Variants in STKLD1 observed in about 807,000 individuals in gnomAD.
STKLD1 encodes serine/threonine kinase like domain containing 1.
Under a neutral mutation model 80.4 loss-of-function variants are expected in STKLD1, and 79 were observed. The observed-to-expected ratio is 0.98, with a 90% confidence interval of 0.82 to 1.19. The LOEUF is 1.19. Among genes scored for constraint, STKLD1 ranks in the 50% most tolerant of loss-of-function variants. The probability of loss-of-function intolerance (pLI) is 0.00; values close to 1 mark genes in which losing one functional copy is unlikely to be tolerated. For missense variants in STKLD1, 841 were observed against 856.0 expected, an observed-to-expected ratio of 0.98 and a Z score of 0.22; for synonymous variants, 393 against 357.6, an observed-to-expected ratio of 1.10 and a Z score of -1.12.
At chr9:133,404,166 A>G in intron 16 of STKLD1, 118 bp downstream of exon 16, 2 of 1,298,838 alleles carry the variant, frequency 1.5e-6, no homozygotes, top group South Asian at 1.6e-5. Flanking sequence ...TCAAAAAGGA[A>G]AAGAAATTAA....
Position 133,397,936 on chromosome 9 carries a change from CAGAA to C in STKLD1, c.998-33_998-30del, listed in dbSNP as rs781944972. On this transcript the variant is annotated intron_variant, in intron 10 of 17. Transcript: ENST00000371957. Reference sequence around the variant, plus strand: ...AACAGAGCCCCGAGGCCCTGGTCCTCAGAAAGGTCCCTCCCCTGCCTTCCTGTCC... The same window carrying C: ...AACAGAGCCCCGAGGCCCTGGTCCTCAGGTCCCTCCCCTGCCTTCCTGTCC... The C allele has an allele frequency of 1.9e-6, 3 of 1,590,698 alleles. No homozygotes were observed. The African/African-American group carries it at 4.0e-5, about 21-fold the overall frequency.
At position 133,405,324 on chromosome 9, in the gene STKLD1, C is replaced by G. The variant is rs1554778519; in HGVS notation, c.1946C>G (p.Ser649Cys). ...CAGGAGATCAAGGAGCGCTTCACCTCCAGCCTGGTGAGTGACAGCAGCGCC... is the reference window on the plus strand; with the variant it reads ...CAGGAGATCAAGGAGCGCTTCACCTGCAGCCTGGTGAGTGACAGCAGCGCC... ...LLQEIKERFT[S>C]SLVSDSSAFS... is the part of the protein sequence containing the mutation. Residue 649 changes from serine to cysteine, a missense_variant, in exon 18 of 18, where the codon TCC (serine) becomes TGC (cysteine). Coordinates refer to ENST00000371957, the MANE Select transcript of STKLD1 (RefSeq NM_153710.5). 6 of 1,612,980 alleles carry G rather than the reference C, an allele frequency of 3.7e-6. No individual in the cohort carries two copies. Among genetic ancestry groups the G allele is most frequent in the Non-Finnish European group, 5.1e-6 (6 of 1,179,924 alleles).
At chr9:133,380,470 A>G (rs1838104412) in intron 2 of STKLD1, among the ~76,000 whole-genome samples, 1 of 152,020 alleles carries the variant, frequency 6.6e-6, no homozygotes, top group South Asian at 2.1e-4. Flanking sequence ...CCTGGCCAAC[A>G]TGGTGAAACC....
chr9:133,399,896 AG>A lies in STKLD1; in HGVS notation c.1082-509del, dbSNP rs782584850. Among the ~76,000 whole-genome samples the A allele has an allele frequency of 7.7e-4, 103 of 134,204 alleles. 3 individuals are homozygous for A. The highest frequency in any genetic ancestry group is 4.3e-3 in the South Asian group (19 of 4,414). 88.0% of individuals were successfully genotyped at this position (134,204 alleles called of 152,430 possible). A position where few individuals can be genotyped will look rare whatever the true frequency, so the allele number is the denominator to read the frequency against. Reference sequence around the variant, plus strand: ...TCTGTTTCAAAAAAAAAAAAAAAAGAGGGGGGGGTCTTGCTTCGCTCCACAC... The same window carrying A: ...TCTGTTTCAAAAAAAAAAAAAAAAGAGGGGGGGTCTTGCTTCGCTCCACAC... On this transcript the variant is annotated intron_variant, in intron 11 of 17. Transcript: ENST00000371957.
At chr9:133,382,154 C>T (rs2130267703) in intron 2 of STKLD1, among the ~76,000 whole-genome samples, 9 of 152,164 alleles carry the variant, frequency 5.9e-5, no homozygotes, top group East Asian at 5.8e-4. Flanking sequence ...GAGAAGAGCA[C>T]TGTACATTCC....
At chr9:133,378,982 G>A in intron 1 of STKLD1, 54 bp from the exon 2 acceptor site, 2 of 1,545,346 alleles carry the variant, frequency 1.3e-6, no homozygotes, top group Non-Finnish European at 1.8e-6. Context: ...TGGGCTTTTG[G>A]AAAGGGAAAA....
In STKLD1 at chr9:133,385,903, A is replaced by G. The variant is rs957518121; in HGVS notation, c.294+212A>G. On this transcript the variant is annotated intron_variant, in intron 4 of 17. Transcript: ENST00000371957. This position sits in a 1 kb window ranked among gnomAD's most constrained non-coding sequence, Gnocchi z 4.9. The stretch of plus-strand genomic sequence containing the variant: ...GTGCATAGTCTCATAGGAGCCCCAA[A>G]AACCTCATCGTCAGGAGAGTTTTTT... Among the ~76,000 whole-genome samples the G allele has an allele frequency of 1.3e-5, 2 of 151,978 alleles. No individual in the cohort carries two copies. Among genetic ancestry groups the G allele is most frequent in the African/African-American group, 2.4e-5 (1 of 41,392 alleles).
At position 133,390,687 on chromosome 9, in the gene STKLD1, C is replaced by A. The variant is rs1838370292; in HGVS notation, c.474C>A (p.Leu158=). Residue 158 remains leucine, a synonymous_variant, in exon 7 of 18, where the codon CTC becomes CTA. Coordinates refer to ENST00000371957, the MANE Select transcript of STKLD1 (RefSeq NM_153710.5). This position sits in a 1 kb window ranked among gnomAD's most constrained non-coding sequence, Gnocchi z 5.1. ...LHHLDIIHRN[L]KPSNIILISS... is the part of the protein sequence containing the mutation. ...ACCCACCTCTTGGTTTCAGGAATCT[C>A]AAACCCTCCAACATCATCCTCATCA... 1.2e-6 allele frequency: 2 copies of A among 1,613,052 alleles called. No homozygotes were observed. Among genetic ancestry groups the A allele is most frequent in the Non-Finnish European group, 1.7e-6 (2 of 1,179,572 alleles).
intron 1 of STKLD1, 36 bp from the exon 2 acceptor site, chr9:133,379,000 G>T: frequency 6.3e-7 from 1 of 1,585,768 alleles, no homozygotes; most frequent in Non-Finnish European, 8.6e-7. Context: ...AAAGTTGTGT[G>T]CATTTCCTGA....
chr9:133,403,267 T>G (rs1459409794), intron 14 of STKLD1, among the ~76,000 whole-genome samples: 7 of 152,226 alleles, frequency 4.6e-5, no homozygotes, highest in Non-Finnish European at 8.8e-5. Context: ...GGCAGACCCC[T>G]CAGTTTTAAG....
chr9:133,381,692 C>T (rs1436839171), intron 2 of STKLD1, among the ~76,000 whole-genome samples: 1 of 152,124 alleles, frequency 6.6e-6, no homozygotes. Context: ...TCAGGTGATC[C>T]GCCTGCCTCG....
At chr9:133,382,379 A>G (rs1838152190) in intron 2 of STKLD1, among the ~76,000 whole-genome samples, 1 of 152,218 alleles carries the variant, frequency 6.6e-6, no homozygotes, top group Admixed American at 6.5e-5. Context: ...CTGCCTTAGG[A>G]ATATCTTCCA....
rs2130275304 is a variant in STKLD1 at position 133,385,697 on chromosome 9, T to A, written c.294+6T>A. The A allele has an allele frequency of 1.2e-6, 2 of 1,612,768 alleles. No individual in the cohort carries two copies. Among genetic ancestry groups the A allele is most frequent in the African/African-American group, 2.7e-5 (2 of 74,994 alleles). On this transcript the variant is annotated splice_donor_region_variant and intron_variant, in intron 4 of 17. Coordinates refer to ENST00000371957, the MANE Select transcript of STKLD1 (RefSeq NM_153710.5). This position sits in a 1 kb window ranked among gnomAD's most constrained non-coding sequence, Gnocchi z 4.9. Reference sequence around the variant, plus strand: ...TCATCACGTGGAATGGGGAGGTGGGTCAGAGCTGACACCTACGGGCTCAGC... The same window carrying A: ...TCATCACGTGGAATGGGGAGGTGGGACAGAGCTGACACCTACGGGCTCAGC...
rs1838204576 is a variant in STKLD1 at position 133,383,707 on chromosome 9, G to A, written c.175-149G>A. 4.2e-6 allele frequency: 3 copies of A among 706,092 alleles called. No individual in the cohort carries two copies. In the Admixed American group the frequency reaches 5.8e-5, roughly 14 times the overall value. 43.7% of individuals were successfully genotyped at this position (706,092 alleles called of 1,614,324 possible). ...GATGGTGACAGTGATGGTGGTGTTG[G>A]TTGTGGTTGTGGTAATGATGGTGAT... On this transcript the variant is annotated intron_variant, in intron 2 of 17. Transcript: ENST00000371957.
rs1554775000 is a variant in STKLD1 at position 133,383,796 on chromosome 9, G to A, written c.175-60G>A. ...TGGTCGTTGTGGTGGTGGTGATGGCGGTGATAACGGAGATGATTTGCTACA... is the reference window on the plus strand; with the variant it reads ...TGGTCGTTGTGGTGGTGGTGATGGCAGTGATAACGGAGATGATTTGCTACA... On this transcript the variant is annotated intron_variant, in intron 2 of 17. Coordinates refer to ENST00000371957, the MANE Select transcript of STKLD1 (RefSeq NM_153710.5). 1.1e-4 allele frequency: 163 copies of A among 1,513,010 alleles called. No homozygotes were observed. In the East Asian group the frequency reaches 2.4e-3, roughly 22 times the overall value. The allele number at this position is 1,513,010 out of a possible 1,614,324, so 93.7% of individuals were successfully genotyped here.
intron 2 of STKLD1, 125 bp downstream of exon 2, chr9:133,379,247 T>G (rs2119203523): frequency 2.7e-6 from 2 of 747,116 alleles, no homozygotes; most frequent in East Asian, 5.5e-5. Context: ...CTGCTGACAC[T>G]TGCGGAGACT....
At chr9:133,397,435 T>A in intron 10 of STKLD1, 141 bp downstream of exon 10, 1 of 1,126,808 alleles carries the variant, frequency 8.9e-7, no homozygotes, top group Admixed American at 2.1e-5. Context: ...AGGAACAGTT[T>A]CCCTCCATCC....
intron 1 of STKLD1, among the ~76,000 whole-genome samples, chr9:133,378,647 A>G (rs1237477162): frequency 1.3e-5 from 2 of 152,252 alleles, no homozygotes; most frequent in African/African-American, 4.8e-5. Context: ...ACCAGTCACA[A>G]GATTGGTTAC....
intron 1 of STKLD1, among the ~76,000 whole-genome samples, chr9:133,377,079 C>G (rs185290416): frequency 6.6e-6 from 1 of 152,142 alleles, no homozygotes; most frequent in Non-Finnish European, 1.5e-5. Context: ...AAAATGCATT[C>G]GCTTGGAAAC....
Sources: allele counts gnomAD v4.1 joint callset (sites outside exome capture counted in the v4.1 genomes callset), GRCh38; gene constraint gnomAD v4.1.1; non-coding constraint Gnocchi (gnomAD v3.1); transcripts MANE v1.5; gene names NCBI Gene and HGNC (gene_info 2026-07-23, HGNC 2026-07-21).